The following DIAPH2 variants were observed in gnomAD, a reference collection of about 807,000 sequenced individuals.
The protein encoded by DIAPH2 is protein diaphanous homolog 2.
A neutral mutation model predicts 92.7 loss-of-function variants in DIAPH2; 35 were observed. The observed-to-expected ratio is 0.38, with a 90% CI of 0.29 to 0.50. DIAPH2 has a LOEUF of 0.50. Among genes scored for constraint, DIAPH2 ranks in the 20% least tolerant of loss-of-function variants. DIAPH2 has a pLI of 0.94. For synonymous variants in DIAPH2, 301 were observed against 280.4 expected, an observed-to-expected ratio of 1.07 and a Z score of -0.73; for missense variants, 701 against 819.5, an observed-to-expected ratio of 0.86 and a Z score of 1.77.
chrX:97,380,586 T>G (rs1156964179), intron 24 of DIAPH2, among the ~76,000 whole-genome samples: 1 of 110,576 alleles, frequency 9.0e-6, no homozygotes, highest in African/African-American at 3.4e-5. Context: ...AATAATTTTT[T>G]TCTTCACCAG....
chrX:97,129,107 T>TTTTCTTTTCTTTTCTTTTCTTTTCTTTTC (rs1569308049), intron 21 of DIAPH2, among the ~76,000 whole-genome samples: 59 of 69,749 alleles, frequency 8.5e-4, no homozygotes, highest in African/African-American at 3.5e-3. Context: ...TTTTCTTTTC[T>TTTTCTTTTCTTTTCTTTTCTTTTCTTTTC]TTTCTTTTCT....
At chrX:97,159,175 T>G (rs1246337292) in intron 22 of DIAPH2, among the ~76,000 whole-genome samples, 1 of 112,040 alleles carries the variant, frequency 8.9e-6, no homozygotes, top group Non-Finnish European at 1.9e-5. Flanking sequence ...AAACCCACTA[T>G]TTCAGTTGGG....
chrX:97,239,342 G>C (rs764585549), intron 22 of DIAPH2, among the ~76,000 whole-genome samples: 1 of 111,500 alleles, frequency 9.0e-6, no homozygotes, highest in Non-Finnish European at 1.9e-5. Flanking sequence ...TCATATATTT[G>C]CTTGAAGCCA....
At chrX:97,086,471 A>C (rs1257641555) in intron 19 of DIAPH2, among the ~76,000 whole-genome samples, 1 of 111,832 alleles carries the variant, frequency 8.9e-6, no homozygotes, top group Non-Finnish European at 1.9e-5. Flanking sequence ...TTTATTTTAG[A>C]ACATGGTGAT....
intron 4 of DIAPH2, among the ~76,000 whole-genome samples, chrX:96,771,844 CT>C: frequency 9.0e-6 from 1 of 110,836 alleles, no homozygotes; most frequent in South Asian, 3.8e-4. Flanking sequence ...CAAGATCAGC[CT>C]GGGCAACATG....
intron 17 of DIAPH2, among the ~76,000 whole-genome samples, chrX:97,049,567 T>C (rs1020320462): frequency 1.8e-5 from 2 of 111,255 alleles, no homozygotes; most frequent in East Asian, 5.6e-4. Context: ...GTGTGGTAGT[T>C]CTTTGATGTT....
chrX:97,456,183 C>A (rs1004486588), intron 26 of DIAPH2, among the ~76,000 whole-genome samples: 2 of 111,155 alleles, frequency 1.8e-5, no homozygotes, highest in Admixed American at 1.9e-4. Context: ...GTCAGGAGAT[C>A]GAGACCATCT....
At chrX:97,342,801 AC>A (rs2069123324) in intron 23 of DIAPH2, among the ~76,000 whole-genome samples, 1 of 112,232 alleles carries the variant, frequency 8.9e-6, no homozygotes, top group Non-Finnish European at 1.9e-5. Flanking sequence ...GGTCAGAGTA[AC>A]AGTGATGGGG....
At chrX:97,028,984 C>A (rs994308669) in intron 17 of DIAPH2, among the ~76,000 whole-genome samples, 1 of 111,504 alleles carries the variant, frequency 9.0e-6, no homozygotes, top group Non-Finnish European at 1.9e-5. Context: ...TTGGTATTGT[C>A]TGCTTTTAAT....
At chrX:97,215,801 G>A (rs771329397) in intron 22 of DIAPH2, among the ~76,000 whole-genome samples, 5 of 112,004 alleles carry the variant, frequency 4.5e-5, no homozygotes, top group South Asian at 7.5e-4. Context: ...TAAACATATC[G>A]TTCATACACT....
intron 26 of DIAPH2, among the ~76,000 whole-genome samples, chrX:97,456,154 G>A (rs1283696667): frequency 6.2e-5 from 7 of 112,130 alleles, no homozygotes; most frequent in Non-Finnish European, 1.3e-4. Flanking sequence ...TTGGGAGGCC[G>A]AGGCGGGCGG....
chrX:97,393,814 A>C (rs749644845), intron 25 of DIAPH2, among the ~76,000 whole-genome samples: 1 of 112,149 alleles, frequency 8.9e-6, no homozygotes, highest in South Asian at 3.7e-4. Context: ...AACTATAAGC[A>C]TGATTCTTAT....
intron 17 of DIAPH2, among the ~76,000 whole-genome samples, chrX:96,980,998 C>CAAAAAAAAA (rs1204120424): frequency 4.4e-5 from 2 of 45,530 alleles, no homozygotes; most frequent in African/African-American, 1.9e-4. Context: ...CCATCTCTAC[C>CAAAAAAAAA]AAAAAAAAAA....
At chrX:97,182,848 A>G (rs767755413) in intron 22 of DIAPH2, among the ~76,000 whole-genome samples, 77 of 111,364 alleles carry the variant, frequency 6.9e-4, no homozygotes, top group African/African-American at 2.4e-3. Flanking sequence ...GGAGATGAAC[A>G]TATGGTACTA....
intron 4 of DIAPH2, among the ~76,000 whole-genome samples, chrX:96,831,564 A>G (rs1267515262): frequency 8.9e-6 from 1 of 112,507 alleles, no homozygotes; most frequent in Non-Finnish European, 1.9e-5. Context: ...TGAACTTAAC[A>G]TTTAAAACAC....
At chrX:96,794,039 C>T (rs2064520777) in intron 4 of DIAPH2, among the ~76,000 whole-genome samples, 1 of 111,668 alleles carries the variant, frequency 9.0e-6, no homozygotes, top group Admixed American at 9.5e-5. Context: ...GCTCAAAGTT[C>T]TGGAGGCCAG....
At chrX:97,168,773 T>A (rs887168996) in intron 22 of DIAPH2, among the ~76,000 whole-genome samples, 5 of 111,995 alleles carry the variant, frequency 4.5e-5, no homozygotes, top group Admixed American at 9.5e-5. Context: ...GCCAGCATGG[T>A]CTGGTTTTGG....
chrX:96,948,479 A>G (rs2065752260), intron 14 of DIAPH2, among the ~76,000 whole-genome samples: 1 of 111,787 alleles, frequency 8.9e-6, no homozygotes, highest in Non-Finnish European at 1.9e-5. Flanking sequence ...AGGCTGAGGC[A>G]GGAGAATTGC....
At chrX:96,919,109 C>A (rs1340477561) in intron 9 of DIAPH2, among the ~76,000 whole-genome samples, 1 of 111,774 alleles carries the variant, frequency 8.9e-6, no homozygotes, top group Non-Finnish European at 1.9e-5. Context: ...TACTAAATGC[C>A]TCCTTTAGAA....
Sources: gnomAD v4.1 joint callset for allele counts (sites outside exome capture counted in the v4.1 genomes callset) on GRCh38, gnomAD v4.1.1 for gene constraint, MANE v1.5 for transcripts, NCBI Gene and HGNC (gene_info 2026-07-23, HGNC 2026-07-21) for gene names.